The following ARID2 variants were observed in gnomAD, a reference collection of about 807,000 sequenced individuals.
The protein encoded by ARID2 is AT-rich interactive domain-containing protein 2.
In ARID2, 32 loss-of-function variants were observed where a neutral mutation model predicts 184.6. The observed-to-expected ratio is 0.17, with a 90% confidence interval of 0.13 to 0.23. The LOEUF (loss-of-function observed/expected upper bound fraction) is 0.23. ARID2 is among the 10% of genes least tolerant of loss of function. The pLI, the probability that ARID2 is intolerant of heterozygous loss-of-function variation, is 1.00. For missense variants in ARID2, 1,696 were observed against 2,197.6 expected, an observed-to-expected ratio of 0.77 and a Z score of 4.56; for synonymous variants, 836 against 772.6, an observed-to-expected ratio of 1.08 and a Z score of -1.36.
intron 4 of ARID2, among the ~76,000 whole-genome samples, chr12:45,814,445 T>G (rs906364296): frequency 3.3e-5 from 5 of 151,368 alleles, no homozygotes; most frequent in African/African-American, 1.2e-4. Flanking sequence ...AGGTCAGGAG[T>G]TTGAGACCAG....
At chr12:45,732,528 T>C (rs1271081557) in intron 3 of ARID2, among the ~76,000 whole-genome samples, 1 of 152,172 alleles carries the variant, frequency 6.6e-6, no homozygotes, top group Non-Finnish European at 1.5e-5. Context: ...GAGTACATTT[T>C]AAATTAAAGG....
chr12:45,884,048 T>A (rs961252516), intron 16 of ARID2, among the ~76,000 whole-genome samples: 2 of 152,212 alleles, frequency 1.3e-5, no homozygotes, highest in Non-Finnish European at 2.9e-5. Flanking sequence ...CACACAGATA[T>A]ACACATCATC....
At chr12:45,751,279 A>C (rs1941460712) in intron 3 of ARID2, among the ~76,000 whole-genome samples, 1 of 152,218 alleles carries the variant, frequency 6.6e-6, no homozygotes, top group Admixed American at 6.5e-5. Context: ...ATAAGAATGA[A>C]CAAACAGCAA....
chr12:45,884,327 TG>T (rs1490347968), intron 16 of ARID2, among the ~76,000 whole-genome samples: 1 of 151,730 alleles, frequency 6.6e-6, no homozygotes, highest in Non-Finnish European at 1.5e-5. Context: ...ACCTGGGAGG[TG>T]GAGGTTGCAG....
chr12:45,782,139 A>C (rs1288798321), intron 3 of ARID2, among the ~76,000 whole-genome samples: 1 of 152,190 alleles, frequency 6.6e-6, no homozygotes, highest in Non-Finnish European at 1.5e-5. Context: ...AAGGGCTATA[A>C]ATTGAAATTG....
At chr12:45,785,894 G>C (rs1231953687) in intron 3 of ARID2, among the ~76,000 whole-genome samples, 2 of 152,050 alleles carry the variant, frequency 1.3e-5, no homozygotes, top group African/African-American at 4.8e-5. Flanking sequence ...ACTGTGTAGG[G>C]CAGTGGTCCC....
intron 16 of ARID2, among the ~76,000 whole-genome samples, chr12:45,879,473 G>GC (rs1003604247): frequency 6.6e-6 from 1 of 152,124 alleles, no homozygotes; most frequent in African/African-American, 2.4e-5. Context: ...CTGACCTCCC[G>GC]CCCCAAGGGT....
At chr12:45,747,519 C>G (rs1941382376) in intron 3 of ARID2, among the ~76,000 whole-genome samples, 1 of 151,694 alleles carries the variant, frequency 6.6e-6, no homozygotes. Flanking sequence ...TACATTGTAG[C>G]TGAACTGAAT....
intron 3 of ARID2, among the ~76,000 whole-genome samples, chr12:45,772,206 G>C (rs1941891076): frequency 1.3e-5 from 2 of 152,154 alleles, no homozygotes; most frequent in African/African-American, 4.8e-5. Context: ...ACAAAAACAT[G>C]AGATACACAC....
intron 4 of ARID2, among the ~76,000 whole-genome samples, chr12:45,816,665 C>T (rs1942809488): frequency 6.6e-6 from 1 of 152,162 alleles, no homozygotes; most frequent in South Asian, 2.1e-4. Context: ...TAATTGGAAA[C>T]AATCTAAACG....
At chr12:45,731,349 A>G (rs763186568) in intron 3 of ARID2, 35 bp downstream of exon 3, 2 of 1,469,892 alleles carry the variant, frequency 1.4e-6, no homozygotes, top group South Asian at 1.1e-5. Flanking sequence ...GTATTTGGAA[A>G]TAAGGGACTT....
At chr12:45,831,203 G>A (rs1252114719) in intron 6 of ARID2, among the ~76,000 whole-genome samples, 1 of 152,066 alleles carries the variant, frequency 6.6e-6, no homozygotes, top group African/African-American at 2.4e-5. Flanking sequence ...GTGCTTACAC[G>A]ATTGATTGTT....
chr12:45,821,283 T>C (rs1442381601), intron 5 of ARID2, 137 bp from the exon 6 acceptor site: 2 of 454,566 alleles, frequency 4.4e-6, no homozygotes, highest in Admixed American at 4.4e-5. Flanking sequence ...TGACTATCAT[T>C]TACTATAAAA....
chr12:45,744,180 C>T (rs1187036631), intron 3 of ARID2, among the ~76,000 whole-genome samples: 1 of 152,086 alleles, frequency 6.6e-6, no homozygotes, highest in African/African-American at 2.4e-5. Context: ...TGCCTTGTTG[C>T]TGACCTTAGT....
intron 3 of ARID2, among the ~76,000 whole-genome samples, chr12:45,747,185 G>C (rs1256776890): frequency 6.6e-6 from 1 of 152,200 alleles, no homozygotes; most frequent in Non-Finnish European, 1.5e-5. Flanking sequence ...ATAAAAATAT[G>C]AAAATGGTTA....
intron 16 of ARID2, among the ~76,000 whole-genome samples, chr12:45,882,760 G>A (rs1353620977): frequency 6.6e-6 from 1 of 152,170 alleles, no homozygotes; most frequent in East Asian, 1.9e-4. Flanking sequence ...AATTAGTTTT[G>A]TAGCATCATT....
At chr12:45,842,280 C>CACACACATATGTGTGTGTATATATAT (rs1424022904) in intron 11 of ARID2, 9 of 148,604 alleles carry the variant, frequency 6.1e-5, no homozygotes, top group Non-Finnish European at 1.2e-4. Flanking sequence ...TATACACATA[C>CACACACATATGTGTGTGTATATATAT]ACACACATAT....
intron 20 of ARID2, among the ~76,000 whole-genome samples, chr12:45,896,942 A>C (rs1944376323): frequency 6.6e-6 from 1 of 152,258 alleles, no homozygotes; most frequent in African/African-American, 2.4e-5. Context: ...AAAAATTCGT[A>C]CTAGAATTCA....
Position 45,777,746 on chromosome 12 carries a change from T to C in ARID2, c.285-33672T>C, listed in dbSNP as rs539379799. ...CCTTTCTTAGCGTTGTCGTAGATTATAGGGACTAAGTACAGGGACTGTTGT... is the reference window on the plus strand; with the variant it reads ...CCTTTCTTAGCGTTGTCGTAGATTACAGGGACTAAGTACAGGGACTGTTGT... On this transcript the variant is annotated intron_variant, in intron 3 of 20. Transcript: ENST00000334344. Among the ~76,000 whole-genome samples, 213 of 150,678 alleles carry C rather than the reference T, an allele frequency of 1.4e-3. 1 individual carries two copies. The highest frequency in any genetic ancestry group is 5.1e-3 in the African/African-American group (209 of 41,342).
Sources: allele counts gnomAD v4.1 joint callset (sites outside exome capture counted in the v4.1 genomes callset), GRCh38; gene constraint gnomAD v4.1.1; transcripts MANE v1.5; gene names NCBI Gene and HGNC (gene_info 2026-07-23, HGNC 2026-07-21).